The following NSL1 variants were observed in gnomAD, a reference collection of about 807,000 sequenced individuals.
NSL1 encodes NSL1 component of MIS12 kinetochore complex, also known as kinetochore-associated protein NSL1 homolog.
NSL1 carries 11 observed loss-of-function variants against 25.4 expected under a neutral mutation model. The observed-to-expected ratio is 0.43, with a 90% CI of 0.27 to 0.72. NSL1 has a LOEUF of 0.72. Ranked by LOEUF, NSL1 falls within the 30% of genes least tolerant of loss-of-function variation. NSL1 has a pLI of 0.19. For synonymous variants in NSL1, 118 were observed against 120.6 expected, an observed-to-expected ratio of 0.98 and a Z score of 0.14; for missense variants, 330 against 342.7, an observed-to-expected ratio of 0.96 and a Z score of 0.29.
chr1:212,773,366 G>A (rs1660214082), intron 4 of NSL1, among the ~76,000 whole-genome samples: 1 of 152,050 alleles, frequency 6.6e-6, no homozygotes, highest in African/African-American at 2.4e-5. Flanking sequence ...TAAAAAGAAG[G>A]TAAAGGATCT....
chr1:212,736,316 C>T lies in NSL1; in HGVS notation c.*2092G>A, dbSNP rs1178178271. On this transcript the variant is annotated 3_prime_UTR_variant, in exon 6 of 6. Transcript: ENST00000366977. ...TGGGATTACAGGCATGAGCCCACCG[C>T]GCCTGGCTATTTCTTTTCTGAAAGA... The T allele has an allele frequency of 1.8e-5, 18 of 983,186 alleles. No individual in the cohort carries two copies. Among genetic ancestry groups the T allele is most frequent in the South Asian group, 4.7e-5 (1 of 21,274 alleles). The allele number at this position is 983,186 out of a possible 1,614,324, so 60.9% of individuals were successfully genotyped here.
chr1:212,784,479 C>A lies in NSL1; in HGVS notation c.328G>T (p.Val110Leu). 1 of 1,547,768 alleles carries A rather than the reference C, an allele frequency of 6.5e-7. No homozygotes were observed. Among genetic ancestry groups the A allele is most frequent in the Non-Finnish European group, 8.8e-7 (1 of 1,137,462 alleles). ...ATTTCATCAAACTGATCTTCAAGTA[C>A]TTTGATGTCAGAATCTATTTGAGAA... ...DNCFMDSDIK[V>L]LEDQFDEIIV... The change falls in exon 3 of 6, where the codon GTA (valine) becomes TTA (leucine). Residue 110 changes from valine to leucine, a missense_variant. Physicochemically the swap from Val to Leu is conservative, Grantham distance 32 (BLOSUM62 1). Coordinates refer to ENST00000366977, the MANE Select transcript of NSL1 (RefSeq NM_015471.4).
Position 212,728,111 on chromosome 1 carries a change from T to C in NSL1, c.*10297A>G. On this transcript the variant is annotated 3_prime_UTR_variant, in exon 6 of 6. Transcript: ENST00000366977. Reference sequence around the variant, plus strand: ...CCACCTCTTTCTCATGAAATGGGCGTGGTAATAGCCCTTAATTCATGGATT... The same window carrying C: ...CCACCTCTTTCTCATGAAATGGGCGCGGTAATAGCCCTTAATTCATGGATT... The C allele has an allele frequency of 4.1e-6, 4 of 969,656 alleles. No homozygotes were observed. The highest frequency in any genetic ancestry group is 3.7e-6 in the Non-Finnish European group (3 of 815,564). The allele number at this position is 969,656 out of a possible 1,614,324, so 60.1% of individuals were successfully genotyped here.
intron 4 of NSL1, among the ~76,000 whole-genome samples, chr1:212,768,091 G>A (rs1346502144): frequency 6.6e-6 from 1 of 152,158 alleles, no homozygotes; most frequent in Non-Finnish European, 1.5e-5. Context: ...AGTTCGAGGA[G>A]GGTAGATTAC....
At position 212,747,364 on chromosome 1, in the gene NSL1, T is replaced by G. The variant is rs928812800; in HGVS notation, c.500-7763A>C. Reference sequence around the variant, plus strand: ...TTCAGATCATTCGTCCTGCAAGAAGTAGGTTGACATGTTACAGAAGCTTAT... The same window carrying G: ...TTCAGATCATTCGTCCTGCAAGAAGGAGGTTGACATGTTACAGAAGCTTAT... On this transcript the variant is annotated intron_variant, in intron 4 of 5. Coordinates refer to ENST00000366977, the MANE Select transcript of NSL1 (RefSeq NM_015471.4). Among the ~76,000 whole-genome samples the G allele has an allele frequency of 2.0e-5, 3 of 152,240 alleles. No individual in the cohort carries two copies. In the East Asian group the frequency reaches 5.8e-4, roughly 29 times the overall value.
chr1:212,778,793 G>A (rs1660513551), intron 4 of NSL1, among the ~76,000 whole-genome samples: 1 of 152,220 alleles, frequency 6.6e-6, no homozygotes, highest in South Asian at 2.1e-4. Flanking sequence ...CCAAAGTGCC[G>A]AGATTGCAGC....
chr1:212,789,541 T>C (rs1051812577), intron 1 of NSL1, among the ~76,000 whole-genome samples: 19 of 152,250 alleles, frequency 1.2e-4, no homozygotes, highest in African/African-American at 4.3e-4. Flanking sequence ...TTTTCTAGAA[T>C]TACTTTCAAG....
chr1:212,738,724 C>A, intron 5 of NSL1, 38 bp from the exon 6 acceptor site: 1 of 1,526,624 alleles, frequency 6.6e-7, no homozygotes, highest in Non-Finnish European at 9.0e-7. Flanking sequence ...ACATTAATCT[C>A]AGGTTGAAAC....
chr1:212,782,551 C>A, intron 3 of NSL1, 125 bp from the exon 4 acceptor site: 1 of 733,138 alleles, frequency 1.4e-6, no homozygotes. Context: ...AAATTAAATC[C>A]TACTGTCTGT....
chr1:212,791,722 C>T lies in NSL1; in HGVS notation c.42G>A (p.Trp14Ter). ...CTGTGCCAGCCGCGAGCTCCTTGTCCCATGGAGGGTCAAGGACCACCAACT... is the reference window on the plus strand; with the variant it reads ...CTGTGCCAGCCGCGAGCTCCTTGTCTCATGGAGGGTCAAGGACCACCAACT... The part of the protein sequence containing the change: ...SPELVVLDPP[W>*]DKELAAGTES... The change falls in exon 1 of 6, where the codon TGG becomes TGA. Residue 14 changes from tryptophan (W) to a stop codon, truncating the protein, a stop_gained. Coordinates refer to ENST00000366977, the MANE Select transcript of NSL1 (RefSeq NM_015471.4). LOFTEE classifies it high-confidence loss of function. 11 of 1,613,702 alleles carry T rather than the reference C, an allele frequency of 6.8e-6. No individual in the cohort carries two copies. The highest frequency in any genetic ancestry group is 1.7e-4 in the Middle Eastern group (1 of 6,052).
intron 5 of NSL1, 77 bp from the exon 6 acceptor site, chr1:212,738,763 C>T: frequency 1.7e-6 from 2 of 1,196,752 alleles, no homozygotes; most frequent in East Asian, 2.5e-5. Context: ...ATGCAGTACT[C>T]TAATTTTTTT....
Position 212,730,879 on chromosome 1 carries a change from C to T in NSL1, c.*7529G>A. ...CAATTAATAATGAATATAAATGCCA[C>T]AAGCCATTAATGTGTGAGATTGTGA... On this transcript the variant is annotated 3_prime_UTR_variant, in exon 6 of 6. Transcript: ENST00000366977. 1.0e-6 allele frequency: 1 copy of T among 985,274 alleles called. No homozygotes were observed. Among genetic ancestry groups the T allele is most frequent in the Non-Finnish European group, 1.2e-6 (1 of 829,866 alleles). 61.0% of individuals were successfully genotyped at this position (985,274 alleles called of 1,614,324 possible).
At chr1:212,767,416 G>A (rs1362218982) in intron 4 of NSL1, among the ~76,000 whole-genome samples, 2 of 152,054 alleles carry the variant, frequency 1.3e-5, no homozygotes, top group East Asian at 1.9e-4. Context: ...TACAAAAATC[G>A]ACTCAAGATC....
chr1:212,769,316 T>C (rs934704139), intron 4 of NSL1, among the ~76,000 whole-genome samples: 5 of 152,134 alleles, frequency 3.3e-5, no homozygotes. Context: ...AGGCACATTA[T>C]ACTCAAACTA....
Position 212,728,165 on chromosome 1 carries a change from G to T in NSL1, c.*10243C>A. 1 of 935,626 alleles carries T rather than the reference G, an allele frequency of 1.1e-6. No homozygotes were observed. Among genetic ancestry groups the T allele is most frequent in the Non-Finnish European group, 1.3e-6 (1 of 784,616 alleles). 58.0% of individuals were successfully genotyped at this position (935,626 alleles called of 1,614,324 possible). On this transcript the variant is annotated 3_prime_UTR_variant, in exon 6 of 6. Coordinates refer to ENST00000366977, the MANE Select transcript of NSL1 (RefSeq NM_015471.4). The stretch of plus-strand genomic sequence containing the variant: ...TTGAGGATTAAAAGAGATGGTGCAT[G>T]TGAAGCTTTTAGCATGATCATGGCA...
intron 4 of NSL1, among the ~76,000 whole-genome samples, chr1:212,780,021 G>A (rs1171105059): frequency 3.9e-5 from 6 of 152,032 alleles, no homozygotes; most frequent in Non-Finnish European, 7.4e-5. Context: ...AGCTCATTGA[G>A]AACGGGCCAT....
intron 4 of NSL1, among the ~76,000 whole-genome samples, chr1:212,752,993 T>C (rs1336145988): frequency 6.6e-6 from 1 of 152,162 alleles, no homozygotes; most frequent in African/African-American, 2.4e-5. Context: ...TGGCTTCTAC[T>C]GGTTTCTAAA....
At chr1:212,744,740 G>A (rs540099915) in intron 4 of NSL1, among the ~76,000 whole-genome samples, 98 of 152,120 alleles carry the variant, frequency 6.4e-4, no homozygotes, top group Admixed American at 1.4e-3. Context: ...GAGGGGAGAC[G>A]GTGAGTGTTC....
chr1:212,734,113 C>T lies in NSL1; in HGVS notation c.*4295G>A, dbSNP rs530602716. Among the ~76,000 whole-genome samples, 2 of 152,176 alleles carry T rather than the reference C, an allele frequency of 1.3e-5. No homozygotes were observed. Among genetic ancestry groups the T allele is most frequent in the South Asian group, 2.1e-4 (1 of 4,824 alleles). ...TACTGAACATTATTTAATAGCATTC[C>T]GATTTTCCAAAAAATGTATGATTTT... On this transcript the variant is annotated 3_prime_UTR_variant, in exon 6 of 6. Coordinates refer to ENST00000366977, the MANE Select transcript of NSL1 (RefSeq NM_015471.4).
Sources: allele counts gnomAD v4.1 joint callset (sites outside exome capture counted in the v4.1 genomes callset), GRCh38; gene constraint gnomAD v4.1.1; transcripts MANE v1.5; gene names NCBI Gene and HGNC (gene_info 2026-07-23, HGNC 2026-07-21).